The following ZNF541 variants were observed in gnomAD, a reference collection of about 807,000 sequenced individuals.
ZNF541 encodes zinc finger protein 541.
ZNF541 carries 23 observed loss-of-function variants against 123.5 expected under a neutral mutation model. That is an observed-to-expected ratio of 0.19 (90% CI 0.13 to 0.26). ZNF541 has a LOEUF of 0.26. ZNF541 is among the 10% of genes least tolerant of loss of function. The pLI is 1.00. For synonymous variants in ZNF541, 751 were observed against 754.5 expected (o/e 1.00, Z 0.08); for missense variants, 1,612 against 1,789.9 (o/e 0.90, Z 1.79).
intron 5 of ZNF541, among the ~76,000 whole-genome samples, chr19:47,541,238 C>A (rs1014762472): frequency 1.3e-5 from 2 of 151,862 alleles, no homozygotes; most frequent in African/African-American, 4.8e-5. Flanking sequence ...GGCAACATGG[C>A]AAAACCCCAT....
chr19:47,528,846 G>C, intron 14 of ZNF541, 104 bp downstream of exon 14: 1 of 795,948 alleles, frequency 1.3e-6, no homozygotes, highest in Non-Finnish European at 2.1e-6. Context: ...TGCTGCCACA[G>C]GCAGGTGAGG....
At position 47,529,000 on chromosome 19, in the gene ZNF541, T is replaced by C; in HGVS notation, c.3520A>G (p.Lys1174Glu). The C allele has an allele frequency of 6.4e-7, 1 of 1,551,614 alleles. No homozygotes were observed. Among genetic ancestry groups the C allele is most frequent in the Non-Finnish European group, 8.7e-7 (1 of 1,146,944 alleles). The change falls in exon 14 of 17, where the codon AAG (lysine) becomes GAG (glutamate). Residue 1174 changes from lysine (K) to glutamate (E), a missense_variant. Around this residue, in one of 5 missense-constraint regions of ZNF541, gnomAD observed 285 missense variants for 407.3 expected, o/e 0.70. Transcript: ENST00000391901. The stretch of plus-strand genomic sequence containing the variant: ...TTCTTGTGGGCATAGAACGCCTTCT[T>C]AAAAAGCCTCTTCTCTATAGGGGTC... ...VWTPIEKRLF[K>E]KAFYAHKKDF...
At chr19:47,540,057 T>G in intron 7 of ZNF541, 119 bp downstream of exon 7, 1 of 1,440,138 alleles carries the variant, frequency 6.9e-7, no homozygotes, top group Non-Finnish European at 9.2e-7. Flanking sequence ...ACAGCCTGAC[T>G]CCAGCCCCCG....
At chr19:47,541,386 C>T (rs902844761) in intron 5 of ZNF541, among the ~76,000 whole-genome samples, 1 of 151,846 alleles carries the variant, frequency 6.6e-6, no homozygotes, top group Non-Finnish European at 1.5e-5. Context: ...AACTTCACTC[C>T]AGCCTGAGTG....
chr19:47,536,228 C>T (rs916831609), intron 9 of ZNF541, among the ~76,000 whole-genome samples: 3 of 152,128 alleles, frequency 2.0e-5, no homozygotes, highest in Non-Finnish European at 4.4e-5. Flanking sequence ...GGTGTCATGG[C>T]CATTATGAAC....
chr19:47,522,009 C>A lies in ZNF541; in HGVS notation c.3571-15G>T, dbSNP rs1439845784. 8 of 1,550,776 alleles carry A rather than the reference C, an allele frequency of 5.2e-6. No individual in the cohort carries two copies. The East Asian group carries it at 1.5e-4, about 28-fold the overall frequency. ...TTTGTCTGGATCTAGTGAAAGAAAACAAGCAGGCTGTGGCTGTGCCACGCG... is the reference window on the plus strand; with the variant it reads ...TTTGTCTGGATCTAGTGAAAGAAAAAAAGCAGGCTGTGGCTGTGCCACGCG... On this transcript the variant is annotated splice_polypyrimidine_tract_variant and intron_variant, in intron 14 of 16. Transcript: ENST00000391901.
In ZNF541 at chr19:47,565,121, A is replaced by G. The variant is rs929507372; in HGVS notation, c.-99+6775T>C. ...GAGCTAAGCTATGAGGATTAAAGGC[A>G]TAAGAATGATACAATGGACTTTGGG... On this transcript the variant is annotated intron_variant, in intron 2 of 16. Transcript: ENST00000391901. Among the ~76,000 whole-genome samples, 3 of 152,174 alleles carry G rather than the reference A, an allele frequency of 2.0e-5. No individual in the cohort carries two copies. In the East Asian group the frequency reaches 5.8e-4, roughly 29 times the overall value.
chr19:47,530,489 T>C (rs949732447), intron 12 of ZNF541, among the ~76,000 whole-genome samples: 1 of 151,026 alleles, frequency 6.6e-6, no homozygotes, highest in Non-Finnish European at 1.5e-5. Flanking sequence ...CTGGCCTAGC[T>C]AACAATTTGA....
At chr19:47,533,725 C>T (rs1969689918) in intron 9 of ZNF541, among the ~76,000 whole-genome samples, 1 of 152,080 alleles carries the variant, frequency 6.6e-6, no homozygotes, top group South Asian at 2.1e-4. Context: ...TGCCTGTAAT[C>T]CCAGCTACTT....
intron 10 of ZNF541, among the ~76,000 whole-genome samples, chr19:47,532,593 A>G (rs889961099): frequency 2.6e-5 from 4 of 152,136 alleles, no homozygotes; most frequent in African/African-American, 4.8e-5. Context: ...TCCCTCAGGC[A>G]TGCTTGAGTC....
chr19:47,523,380 C>G (rs1969138939), intron 14 of ZNF541, among the ~76,000 whole-genome samples: 1 of 145,912 alleles, frequency 6.9e-6, no homozygotes, highest in Admixed American at 6.8e-5. Flanking sequence ...TTTAATTGCT[C>G]TAGGAAGAAA....
At chr19:47,561,806 C>T (rs1157639899) in intron 2 of ZNF541, among the ~76,000 whole-genome samples, 2 of 152,084 alleles carry the variant, frequency 1.3e-5, no homozygotes, top group African/African-American at 4.8e-5. Flanking sequence ...GACCACACCC[C>T]ACAAAGAACA....
chr19:47,538,064 A>G (rs1393058626), intron 9 of ZNF541, 78 bp downstream of exon 9: 2 of 1,491,898 alleles, frequency 1.3e-6, no homozygotes, highest in Middle Eastern at 2.4e-4. Flanking sequence ...ACTGAACCCA[A>G]TGCTACAAGG....
chr19:47,529,455 T>C, intron 13 of ZNF541, 122 bp downstream of exon 13: 1 of 986,284 alleles, frequency 1.0e-6, no homozygotes, highest in Non-Finnish European at 1.5e-6. Flanking sequence ...CAGGCCCTCC[T>C]GAAAGGCAGG....
At chr19:47,546,059 A>G (rs983199371) in intron 4 of ZNF541, 79 bp from the exon 5 acceptor site, 34 of 1,299,462 alleles carry the variant, frequency 2.6e-5, no homozygotes, top group Non-Finnish European at 3.4e-5. Context: ...GTGGCCCCCA[A>G]AAGTCTGTGG....
intron 2 of ZNF541, among the ~76,000 whole-genome samples, chr19:47,568,091 A>C (rs184762268): frequency 2.5e-4 from 38 of 152,268 alleles, no homozygotes; most frequent in Non-Finnish European, 5.0e-4. Flanking sequence ...CAGAACTTTG[A>C]TCACAGAAGG....
chr19:47,537,808 G>A (rs931081680), intron 9 of ZNF541, among the ~76,000 whole-genome samples: 15 of 151,964 alleles, frequency 9.9e-5, no homozygotes, highest in Middle Eastern at 3.2e-3. Flanking sequence ...CCAGGAGATC[G>A]AGGCTGCAGT....
chr19:47,530,854 T>A (rs1452572172), intron 12 of ZNF541, among the ~76,000 whole-genome samples: 1 of 151,974 alleles, frequency 6.6e-6, no homozygotes, highest in Non-Finnish European at 1.5e-5. Context: ...TTTTACCATG[T>A]TGTCCAGGCT....
At chr19:47,533,021 C>CTGCTTCTT in intron 9 of ZNF541, 49 bp from the exon 10 acceptor site, 1 of 1,518,258 alleles carries the variant, frequency 6.6e-7, no homozygotes, top group Non-Finnish European at 8.9e-7. Flanking sequence ...AGCAGGTAAC[C>CTGCTTCTT]GACAGGGTCC....
Sources: gnomAD v4.1 joint callset for allele counts (sites outside exome capture counted in the v4.1 genomes callset) on GRCh38, gnomAD v4.1.1 for gene constraint, gnomAD v4.1.1 regional missense constraint, MANE v1.5 for transcripts, NCBI Gene and HGNC (gene_info 2026-07-23, HGNC 2026-07-21) for gene names.